PLD5: variants seen among roughly 807,000 people sequenced by gnomAD.
The protein encoded by PLD5 is phospholipase D family member 5.
A neutral mutation model predicts 61.1 loss-of-function variants in PLD5; 36 were observed. The observed-to-expected ratio is 0.59, with a 90% confidence interval of 0.45 to 0.78. The LOEUF is 0.78. Ranked by LOEUF, PLD5 falls within the 30% of genes least tolerant of loss-of-function variation. PLD5 has a pLI of 0.00. For synonymous variants in PLD5, 243 were observed against 242.8 expected (o/e 1.00, Z -0.01); for missense variants, 515 against 644.4 (o/e 0.80, Z 2.17).
intron 5 of PLD5, among the ~76,000 whole-genome samples, chr1:242,183,889 C>CT (rs1667699052): frequency 2.6e-5 from 4 of 151,526 alleles, no homozygotes; most frequent in African/African-American, 9.7e-5. Context: ...AGCGAGACTC[C>CT]GTCTCAAAAT....
At chr1:242,282,599 C>T (rs1370846127) in intron 3 of PLD5, among the ~76,000 whole-genome samples, 1 of 152,180 alleles carries the variant, frequency 6.6e-6, no homozygotes, top group South Asian at 2.1e-4. Context: ...AAATACATCT[C>T]CTTAAGATTC....
intron 6 of PLD5, among the ~76,000 whole-genome samples, chr1:242,118,468 TA>T (rs1055686126): frequency 1.4e-4 from 21 of 152,376 alleles, no homozygotes; most frequent in Admixed American, 7.8e-4. Flanking sequence ...TTCATCTGTC[TA>T]TGTGTTTAGC....
intron 5 of PLD5, among the ~76,000 whole-genome samples, chr1:242,163,198 C>T (rs12087322): frequency 7.5e-5 from 11 of 147,426 alleles, no homozygotes; most frequent in African/African-American, 1.5e-4. Flanking sequence ...GGCTGGAGTG[C>T]AGTGGCGCGA....
intron 1 of PLD5, among the ~76,000 whole-genome samples, chr1:242,495,950 T>C (rs1363391979): frequency 2.0e-5 from 3 of 152,242 alleles, no homozygotes; most frequent in Non-Finnish European, 4.4e-5. Context: ...TTTAATTATA[T>C]AACCATAACA....
At position 242,089,668 on chromosome 1, in the gene PLD5, G is replaced by C. The variant is rs541569833; in HGVS notation, c.*186C>G. 1.4e-6 allele frequency: 1 copy of C among 694,928 alleles called. No homozygotes were observed. Among genetic ancestry groups the C allele is most frequent in the East Asian group, 2.7e-5 (1 of 36,556 alleles). 43.0% of individuals were successfully genotyped at this position (694,928 alleles called of 1,614,324 possible). On this transcript the variant is annotated 3_prime_UTR_variant, in exon 10 of 10. Coordinates refer to ENST00000536534, the MANE Select transcript of PLD5 (RefSeq NM_001372062.1). The stretch of plus-strand genomic sequence containing the variant: ...TCTGTCAGAGGTAACAAATACAAAA[G>C]TCTTAATTTTAGTGTACACGACGCT...
At chr1:242,146,549 A>G (rs1664556073) in intron 5 of PLD5, among the ~76,000 whole-genome samples, 1 of 152,138 alleles carries the variant, frequency 6.6e-6, no homozygotes, top group Non-Finnish European at 1.5e-5. Flanking sequence ...TTTTTTTCAC[A>G]GCATGCCATA....
intron 4 of PLD5, among the ~76,000 whole-genome samples, chr1:242,233,295 G>A (rs970659750): frequency 1.3e-5 from 2 of 152,148 alleles, no homozygotes; most frequent in African/African-American, 4.8e-5. Context: ...GAGTCTCAGG[G>A]GAAGGGAATG....
intron 4 of PLD5, among the ~76,000 whole-genome samples, chr1:242,221,831 A>C (rs10737875): frequency 0.3 from 45,893 of 151,836 alleles, 7,164 homozygotes; most frequent in East Asian, 0.53. Context: ...CAGACACAGC[A>C]GACAGTGTTC....
intron 1 of PLD5, among the ~76,000 whole-genome samples, chr1:242,484,632 A>G (rs1333293123): frequency 2.6e-5 from 4 of 152,210 alleles, no homozygotes; most frequent in Non-Finnish European, 2.9e-5. Flanking sequence ...CCAGAGGTAC[A>G]AGGAGGAGCT....
intron 8 of PLD5, among the ~76,000 whole-genome samples, chr1:242,101,635 C>T (rs1215053341): frequency 6.6e-6 from 1 of 152,088 alleles, no homozygotes; most frequent in Non-Finnish European, 1.5e-5. Flanking sequence ...TGTCTTACAG[C>T]TATAGAATCG....
chr1:242,451,459 CT>C (rs398038597), intron 1 of PLD5, among the ~76,000 whole-genome samples: 439 of 115,138 alleles, frequency 3.8e-3, no homozygotes, highest in Middle Eastern at 5.5e-3. Flanking sequence ...GTATCAAATT[CT>C]TTTTTTTTTT....
rs944170463 is a variant in PLD5, at chr1:242,481,295, A to G, written c.189+42793T>C. 5.8e-4 allele frequency among the ~76,000 whole-genome samples: 88 copies of G among 152,298 alleles called. 1 individual carries two copies. The highest frequency in any genetic ancestry group is 2.0e-3 in the African/African-American group (85 of 41,560). On this transcript the variant is annotated intron_variant, in intron 1 of 9. Transcript: ENST00000536534. ...ACCCGGGAAGTGCAAGGGGTCAGGGAATTCCCTTTCCTAGCCAAGGAAAGG... is the reference window on the plus strand; with the variant it reads ...ACCCGGGAAGTGCAAGGGGTCAGGGGATTCCCTTTCCTAGCCAAGGAAAGG...
intron 2 of PLD5, among the ~76,000 whole-genome samples, chr1:242,297,914 C>T (rs1267093031): frequency 6.6e-6 from 1 of 152,140 alleles, no homozygotes; most frequent in African/African-American, 2.4e-5. Context: ...GCTGGGATTA[C>T]AGGCGTGAGC....
At chr1:242,103,891 A>G (rs1392275624) in intron 8 of PLD5, among the ~76,000 whole-genome samples, 1 of 152,242 alleles carries the variant, frequency 6.6e-6, no homozygotes, top group Non-Finnish European at 1.5e-5. Flanking sequence ...TTACCAGACT[A>G]TTCGGGAGAT....
intron 2 of PLD5, among the ~76,000 whole-genome samples, chr1:242,300,732 G>T (rs1675987850): frequency 6.6e-6 from 1 of 152,018 alleles, no homozygotes; most frequent in Admixed American, 6.6e-5. Flanking sequence ...CCTGATGTTT[G>T]TCAGAAATGG....
In PLD5 at chr1:242,503,779, AT is replaced by A. The variant is rs564950516; in HGVS notation, c.189+20308del. 4.0e-5 allele frequency among the ~76,000 whole-genome samples: 6 copies of A among 150,932 alleles called. No homozygotes were observed. In the Middle Eastern group the frequency reaches 0.01, roughly 258 times the overall value. ...TCAAGTGCTCTCTTTTGGCCTTTGA[AT>A]TTTTTTTTTAAATGAGGATATGATG... On this transcript the variant is annotated intron_variant, in intron 1 of 9. Coordinates refer to ENST00000536534, the MANE Select transcript of PLD5 (RefSeq NM_001372062.1).
chr1:242,357,971 A>T (rs1374387453), intron 1 of PLD5, among the ~76,000 whole-genome samples: 2 of 151,862 alleles, frequency 1.3e-5, no homozygotes, highest in Non-Finnish European at 2.9e-5. Flanking sequence ...TTTCATAAGT[A>T]CTGTCTTCGA....
chr1:242,222,169 T>C (rs1670634366), intron 4 of PLD5, among the ~76,000 whole-genome samples: 1 of 151,842 alleles, frequency 6.6e-6, no homozygotes, highest in African/African-American at 2.4e-5. Flanking sequence ...ACTACTCAAG[T>C]TGGATGAAGG....
intron 3 of PLD5, among the ~76,000 whole-genome samples, chr1:242,275,779 G>C (rs1674379610): frequency 1.3e-5 from 2 of 152,204 alleles, no homozygotes; most frequent in Non-Finnish European, 2.9e-5. Context: ...GCCTATGGCA[G>C]AATCCAGAAA....
Sources: allele counts gnomAD v4.1 joint callset (sites outside exome capture counted in the v4.1 genomes callset), GRCh38; gene constraint gnomAD v4.1.1; transcripts MANE v1.5; gene names NCBI Gene and HGNC (gene_info 2026-07-23, HGNC 2026-07-21).